Variants in LRBA observed in about 807,000 individuals in gnomAD.
LRBA encodes the protein LPS responsive beige-like anchor protein, also known as lipopolysaccharide-responsive and beige-like anchor protein.
In LRBA, 176 loss-of-function variants were observed where a neutral mutation model predicts 330.0. That is an observed-to-expected ratio of 0.53 (90% CI 0.47 to 0.60). LRBA has a LOEUF of 0.60. Among genes scored for constraint, LRBA ranks in the 20% least tolerant of loss-of-function variants. LRBA has a pLI of 0.00. For synonymous variants in LRBA, 1,230 were observed against 1,193.0 expected (o/e 1.03, Z -0.64); for missense variants, 3,259 against 3,444.8 (o/e 0.95, Z 1.35).
chr4:150,365,598 C>T (rs1739346346), intron 47 of LRBA, among the ~76,000 whole-genome samples: 2 of 151,886 alleles, frequency 1.3e-5, no homozygotes, highest in Admixed American at 1.3e-4. Flanking sequence ...TCGAGACCAG[C>T]CTGACCAACA....
At chr4:150,478,136 C>T (rs1052327439) in intron 42 of LRBA, among the ~76,000 whole-genome samples, 8 of 152,034 alleles carry the variant, frequency 5.3e-5, no homozygotes, top group Non-Finnish European at 1.0e-4. Flanking sequence ...CAATCTCTCC[C>T]CAGATGAACT....
chr4:150,461,852 A>C (rs1754816215), intron 44 of LRBA, among the ~76,000 whole-genome samples: 1 of 151,778 alleles, frequency 6.6e-6, no homozygotes, highest in Non-Finnish European at 1.5e-5. Flanking sequence ...CAACTAGAAG[A>C]AACATGATTG....
intron 34 of LRBA, among the ~76,000 whole-genome samples, chr4:150,782,977 A>G (rs1414432735): frequency 1.3e-5 from 2 of 152,192 alleles, no homozygotes; most frequent in Non-Finnish European, 2.9e-5. Flanking sequence ...GGTTCTAATA[A>G]TGACTGCATT....
At chr4:150,747,276 T>C (rs1460447128) in intron 35 of LRBA, among the ~76,000 whole-genome samples, 1 of 152,206 alleles carries the variant, frequency 6.6e-6, no homozygotes, top group Non-Finnish European at 1.5e-5. Flanking sequence ...CCACACCTGC[T>C]TTCCCTCCAC....
intron 46 of LRBA, among the ~76,000 whole-genome samples, chr4:150,425,479 C>T (rs1749455440): frequency 6.6e-6 from 1 of 152,290 alleles, no homozygotes; most frequent in East Asian, 1.9e-4. Context: ...AAGGTTCAAC[C>T]AGAGGTTACA....
chr4:150,787,339 T>C (rs538252435), intron 34 of LRBA, among the ~76,000 whole-genome samples: 2 of 152,338 alleles, frequency 1.3e-5, no homozygotes, highest in East Asian at 1.9e-4. Flanking sequence ...TTTAAAATTG[T>C]TTCGAGAAAG....
At chr4:150,412,124 C>T (rs956905930) in intron 47 of LRBA, among the ~76,000 whole-genome samples, 8 of 151,978 alleles carry the variant, frequency 5.3e-5, no homozygotes, top group African/African-American at 1.9e-4. Context: ...AGTATCTTTC[C>T]TAATTATGAA....
intron 35 of LRBA, among the ~76,000 whole-genome samples, chr4:150,752,730 T>C (rs565408189): frequency 6.6e-6 from 1 of 152,264 alleles, no homozygotes; most frequent in African/African-American, 2.4e-5. Context: ...TCAACCTGTT[T>C]TTCCAAACTT....
At chr4:150,325,542 G>A (rs888089273) in intron 49 of LRBA, among the ~76,000 whole-genome samples, 3 of 152,062 alleles carry the variant, frequency 2.0e-5, no homozygotes, top group African/African-American at 7.2e-5. Flanking sequence ...CCTACAGTGA[G>A]GATTCATGAC....
At chr4:150,391,998 A>C (rs2656305) in intron 47 of LRBA, among the ~76,000 whole-genome samples, 1 of 122,950 alleles carries the variant, frequency 8.1e-6, no homozygotes, top group African/African-American at 2.8e-5. Flanking sequence ...AAAAAAAAAA[A>C]CTTTACAAAA....
chr4:150,660,595 A>G (rs1360212840), intron 37 of LRBA, among the ~76,000 whole-genome samples: 1 of 147,080 alleles, frequency 6.8e-6, no homozygotes, highest in East Asian at 2.2e-4. Context: ...AGAACGGGCC[A>G]GGATGACAAT....
intron 4 of LRBA, among the ~76,000 whole-genome samples, chr4:150,927,038 G>A (rs187463071): frequency 1.3e-5 from 2 of 148,712 alleles, no homozygotes; most frequent in East Asian, 2.0e-4. Context: ...ACCACTGGAC[G>A]TTAGCCTGGC....
intron 37 of LRBA, among the ~76,000 whole-genome samples, chr4:150,671,387 T>A (rs1782051713): frequency 6.6e-6 from 1 of 152,050 alleles, no homozygotes; most frequent in Admixed American, 6.6e-5. Context: ...TGAAACATCG[T>A]TTTCATCTAG....
At position 150,852,324 on chromosome 4, in the gene LRBA, A is replaced by G; in HGVS notation, c.3386T>C (p.Leu1129Pro). The G allele has an allele frequency of 1.9e-6, 3 of 1,613,998 alleles. No individual in the cohort carries two copies. The highest frequency in any genetic ancestry group is 2.5e-6 in the Non-Finnish European group (3 of 1,180,010). Reference protein sequence around the residue: ...PTEEANLPTELQDNSLSPAAS... With the variant: ...PTEEANLPTEPQDNSLSPAAS... ...AGCTGGAGACAAACTGTTATCTTGG[A>G]GCTCTGTGGGTAGATTAGCTTCCTC... Residue 1129 changes from leucine (L) to proline (P), a missense_variant, in exon 23 of 57, where the codon CTC becomes CCC. Transcript: ENST00000651943.
chr4:150,435,535 A>G (rs1750996448), intron 46 of LRBA, 54 bp downstream of exon 46: 1 of 1,537,938 alleles, frequency 6.5e-7, no homozygotes. Flanking sequence ...TTCAACATTC[A>G]CTCAACAAGT....
intron 2 of LRBA, among the ~76,000 whole-genome samples, chr4:150,973,331 C>A (rs1975112): frequency 1.1e-3 from 164 of 152,000 alleles, no homozygotes; most frequent in African/African-American, 3.9e-3. Context: ...CCACGCCCAG[C>A]TAATTTTGTA....
intron 2 of LRBA, chr4:151,013,639 T>C (rs755501329): frequency 6.6e-6 from 1 of 152,178 alleles, no homozygotes; most frequent in African/African-American, 2.4e-5. Flanking sequence ...AGCAGGAGGA[T>C]AGCTTGAACT....
chr4:150,589,338 A>G (rs1401885173), intron 39 of LRBA, among the ~76,000 whole-genome samples: 2 of 152,180 alleles, frequency 1.3e-5, no homozygotes, highest in Non-Finnish European at 2.9e-5. Context: ...TGCCAGTAGG[A>G]CAATAGAAGG....
intron 17 of LRBA, among the ~76,000 whole-genome samples, chr4:150,887,699 G>A (rs1729085959): frequency 6.6e-6 from 1 of 150,628 alleles, no homozygotes; most frequent in Admixed American, 6.6e-5. Context: ...AACCCAGGAG[G>A]CGGAGCTTAC....
Sources: allele counts gnomAD v4.1 joint callset (sites outside exome capture counted in the v4.1 genomes callset), GRCh38; gene constraint gnomAD v4.1.1; transcripts MANE v1.5; gene names NCBI Gene and HGNC (gene_info 2026-07-23, HGNC 2026-07-21).